The following KCTD1 variants were observed in gnomAD, a reference collection of about 807,000 sequenced individuals.
KCTD1 encodes the protein potassium channel tetramerization domain containing 1.
Under a neutral mutation model 66.0 loss-of-function variants are expected in KCTD1, and 24 were observed. The ratio of observed to expected loss-of-function variants is 0.36; its 90% CI spans 0.26 to 0.51. The LOEUF is 0.51. Among genes scored for constraint, KCTD1 ranks in the 20% least tolerant of loss-of-function variants. KCTD1 has a pLI of 0.95. For synonymous variants in KCTD1, 511 were observed against 517.2 expected (o/e 0.99, Z 0.16); for missense variants, 943 against 1,205.2 (o/e 0.78, Z 3.22).
chr18:26,611,059 T>C (rs1163936353), intron 1 of KCTD1, among the ~76,000 whole-genome samples: 1 of 152,224 alleles, frequency 6.6e-6, no homozygotes, highest in Non-Finnish European at 1.5e-5. Flanking sequence ...TGGCTCTCTC[T>C]CTCTCCTTTG....
intron 1 of KCTD1, among the ~76,000 whole-genome samples, chr18:26,606,722 TGTA>T (rs765674622): frequency 2.6e-5 from 4 of 152,212 alleles, no homozygotes; most frequent in Non-Finnish European, 4.4e-5. Flanking sequence ...ACCTCAGCTC[TGTA>T]AGCCAGACCA....
At chr18:26,576,708 A>G (rs1986233383) in intron 1 of KCTD1, among the ~76,000 whole-genome samples, 1 of 152,234 alleles carries the variant, frequency 6.6e-6, no homozygotes, top group Non-Finnish European at 1.5e-5. Flanking sequence ...ATTTTTTAAA[A>G]CAAGGTTATA....
In KCTD1 at chr18:26,607,696, T is replaced by A. The variant is rs140284180; in HGVS notation, c.-16+21451A>T. 1.5e-4 allele frequency among the ~76,000 whole-genome samples: 23 copies of A among 152,330 alleles called. 1 individual carries two copies. In the East Asian group the frequency reaches 4.2e-3, roughly 28 times the overall value. On this transcript the variant is annotated intron_variant, in intron 1 of 4. Transcript: ENST00000317932. Reference sequence around the variant, plus strand: ...CTTTTAAGCCCATGCAGTGTCATATTTTCATTGATTGGTAATTTCCCGTAT... The same window carrying A: ...CTTTTAAGCCCATGCAGTGTCATATATTCATTGATTGGTAATTTCCCGTAT...
At chr18:26,656,060 G>A (rs1020184444) in intron 1 of KCTD1, among the ~76,000 whole-genome samples, 1 of 152,064 alleles carries the variant, frequency 6.6e-6, no homozygotes, top group Non-Finnish European at 1.5e-5. Context: ...GGCAGTTGGG[G>A]GGGCGGAGGA....
At chr18:26,554,626 C>T (rs918645453) in intron 1 of KCTD1, among the ~76,000 whole-genome samples, 1 of 152,106 alleles carries the variant, frequency 6.6e-6, no homozygotes, top group African/African-American at 2.4e-5. Context: ...CTATTTTTTT[C>T]TTCAATGCTT....
At chr18:26,497,373 A>G (rs1982532259) in intron 2 of KCTD1, among the ~76,000 whole-genome samples, 1 of 152,100 alleles carries the variant, frequency 6.6e-6, no homozygotes, top group Non-Finnish European at 1.5e-5. Flanking sequence ...ATAGGGTAGG[A>G]AGGGTTTGAA....
intron 1 of KCTD1, among the ~76,000 whole-genome samples, chr18:26,575,038 A>G (rs1457683346): frequency 3.9e-5 from 6 of 152,198 alleles, no homozygotes; most frequent in African/African-American, 1.4e-4. Context: ...TGTAACTTGG[A>G]AATTAGCCCA....
intron 1 of KCTD1, among the ~76,000 whole-genome samples, chr18:26,647,025 C>A (rs1214414890): frequency 1.3e-5 from 2 of 152,154 alleles, no homozygotes; most frequent in African/African-American, 2.4e-5. Flanking sequence ...CTCCACTGGT[C>A]TTGAACTCCT....
chr18:26,548,571 C>T, upstream of KCTD1: 2 of 1,220,076 alleles, frequency 1.6e-6, no homozygotes, highest in Non-Finnish European at 2.0e-6. Flanking sequence ...GGGCAGGGCG[C>T]ATGCGCTATA....
chr18:26,459,008 A>T (rs1433620064), intron 4 of KCTD1: 2 of 152,246 alleles, frequency 1.3e-5, no homozygotes, highest in African/African-American at 4.8e-5. Context: ...CAAAATAAAC[A>T]ATCCTAGGGC....
At chr18:26,537,670 A>G (rs1984771928) in intron 1 of KCTD1, among the ~76,000 whole-genome samples, 1 of 152,274 alleles carries the variant, frequency 6.6e-6, no homozygotes, top group Non-Finnish European at 1.5e-5. Context: ...TAAACATCAT[A>G]ACACAGGCTC....
Position 26,492,646 on chromosome 18 carries a change from AATAAATAG to A in KCTD1, c.1988+8418_1988+8425del, listed in dbSNP as rs1352916052. Among the ~76,000 whole-genome samples the A allele has an allele frequency of 4.1e-5, 6 of 144,650 alleles. No individual in the cohort carries two copies. The South Asian group carries it at 1.3e-3, about 31-fold the overall frequency. The allele number at this position is 144,650 out of a possible 152,430, so 94.9% of individuals were successfully genotyped here. On this transcript the variant is annotated intron_variant, in intron 2 of 4. Coordinates refer to ENST00000580059, the MANE Select transcript of KCTD1 (RefSeq NM_001142730.3). The stretch of plus-strand genomic sequence containing the variant: ...AAATAAATAAATAAATAAATAAATA[AATAAATAG>A]AACCATTGTTATCAAAGAGGAGGAA...
intron 1 of KCTD1, among the ~76,000 whole-genome samples, chr18:26,647,615 T>C (rs1987955241): frequency 6.7e-6 from 1 of 149,072 alleles, no homozygotes; most frequent in African/African-American, 2.4e-5. Context: ...AAACTTCATT[T>C]GTGCAGACTG....
At chr18:26,572,502 A>G (rs2144900636) in intron 1 of KCTD1, among the ~76,000 whole-genome samples, 1 of 152,304 alleles carries the variant, frequency 6.6e-6, no homozygotes, top group Non-Finnish European at 1.5e-5. Context: ...TTTGGGTGGC[A>G]TTTTATTAGG....
intron 1 of KCTD1, among the ~76,000 whole-genome samples, chr18:26,565,193 C>A (rs1388054502): frequency 3.3e-5 from 5 of 152,162 alleles, no homozygotes; most frequent in African/African-American, 7.2e-5. Flanking sequence ...AATTAGGGAC[C>A]AGTTCTGTTC....
intron 1 of KCTD1, among the ~76,000 whole-genome samples, chr18:26,565,272 C>A (rs1985956198): frequency 6.6e-6 from 1 of 152,204 alleles, no homozygotes; most frequent in Non-Finnish European, 1.5e-5. Flanking sequence ...TCATTCATAA[C>A]CTTTCCCTTT....
At chr18:26,573,473 A>C (rs1986156227) in intron 1 of KCTD1, among the ~76,000 whole-genome samples, 1 of 152,226 alleles carries the variant, frequency 6.6e-6, no homozygotes, top group African/African-American at 2.4e-5. Flanking sequence ...AAGAGACAAA[A>C]AGGGCAAGTT....
In KCTD1 at chr18:26,476,465, TA is replaced by T. The variant is rs1416054709; in HGVS notation, c.2133+49del. The T allele has an allele frequency of 3.2e-6, 5 of 1,544,048 alleles. No individual in the cohort carries two copies. The highest frequency in any genetic ancestry group is 3.5e-6 in the Non-Finnish European group (4 of 1,143,512). ...ACTAGAAATATTTTTTTGGAGCACA[TA>T]AAAAAATCACATATTTATGCTATTG... On this transcript the variant is annotated intron_variant, in intron 3 of 4. Coordinates refer to ENST00000580059, the MANE Select transcript of KCTD1 (RefSeq NM_001142730.3). This position sits in a 1 kb window ranked among gnomAD's most constrained non-coding sequence, Gnocchi z 4.9.
At chr18:26,491,822 A>AC (rs1179585605) in intron 2 of KCTD1, among the ~76,000 whole-genome samples, 4 of 152,094 alleles carry the variant, frequency 2.6e-5, no homozygotes, top group Non-Finnish European at 5.9e-5. Flanking sequence ...AGACAACTTG[A>AC]CCTTTTGTCT....
Sources: gnomAD v4.1 joint callset for allele counts (sites outside exome capture counted in the v4.1 genomes callset) on GRCh38, gnomAD v4.1.1 for gene constraint, Gnocchi (gnomAD v3.1) non-coding constraint, MANE v1.5 for transcripts, NCBI Gene and HGNC (gene_info 2026-07-23, HGNC 2026-07-21) for gene names.